Variants in MON1B observed in about 807,000 individuals in gnomAD.
MON1B encodes the protein MON1 vesicular trafficking associated B.
Under a neutral mutation model 45.1 loss-of-function variants are expected in MON1B, and 26 were observed. The ratio of observed to expected loss-of-function variants is 0.58; its 90% CI spans 0.42 to 0.80. The LOEUF (loss-of-function observed/expected upper bound fraction) is 0.80, where lower values mean the gene tolerates loss of function less well. Among genes scored for constraint, MON1B ranks in the 30% least tolerant of loss-of-function variants. The pLI is 0.00. For synonymous variants in MON1B, 395 were observed against 320.2 expected (o/e 1.23, Z -2.49); for missense variants, 737 against 754.5 (o/e 0.98, Z 0.27).
At chr16:77,195,834 A>G (rs1014305515) in intron 5 of MON1B, 152 bp downstream of exon 5, 12 of 907,818 alleles carry the variant, frequency 1.3e-5, no homozygotes, top group Non-Finnish European at 1.6e-5. Flanking sequence ...GCCTTTACAC[A>G]CACATCTTTG....
At position 77,201,113 on chromosome 16, in the gene MON1B, G is replaced by C. The variant is rs2054737960; in HGVS notation, c.*2805G>C. 1.3e-5 allele frequency: 2 copies of C among 152,256 alleles called. No homozygotes were observed. The highest frequency in any genetic ancestry group is 2.1e-4 in the South Asian group (1 of 4,826). 9.4% of individuals were successfully genotyped at this position (152,256 alleles called of 1,614,324 possible). On this transcript the variant is annotated 3_prime_UTR_variant, in exon 6 of 6. Coordinates refer to ENST00000248248, the MANE Select transcript of MON1B (RefSeq NM_014940.4). ...GAGACTGTTTACCTCTCGCTCCCCT[G>C]CACCTAAAACAATGCCTGCTTGGTG...
chr16:77,193,454 C>A lies in MON1B; in HGVS notation c.152C>A (p.Ser51Tyr). 1 of 1,548,038 alleles carries A rather than the reference C, an allele frequency of 6.5e-7. No individual in the cohort carries two copies. Among genetic ancestry groups the A allele is most frequent in the Non-Finnish European group, 8.7e-7 (1 of 1,146,448 alleles). ...CCCACCAGGGGCTCCCTTTCAGGAT[C>A]CAAGGACAAGGACCAGCCACCCAGC... ...PEDEGLEETG[S>Y]KDKDQPPSPS... The change falls in exon 3 of 6, where the codon TCC (serine) becomes TAC (tyrosine). Residue 51 changes from serine to tyrosine, a missense_variant. By Grantham distance (144) the Ser-to-Tyr change is moderately radical (BLOSUM62 -2). Coordinates refer to ENST00000248248, the MANE Select transcript of MON1B (RefSeq NM_014940.4). The surrounding 1 kb of genome is among the most constrained non-coding windows in gnomAD (Gnocchi z 5.0).
rs1374513297 is a variant in MON1B at position 77,194,058 on chromosome 16, T to A, written c.476-277T>A. 1.5e-5 allele frequency: 9 copies of A among 599,264 alleles called. No homozygotes were observed. Among genetic ancestry groups the A allele is most frequent in the Non-Finnish European group, 2.7e-5 (9 of 337,406 alleles). 37.1% of individuals were successfully genotyped at this position (599,264 alleles called of 1,614,324 possible). On this transcript the variant is annotated intron_variant, in intron 3 of 5. Coordinates refer to ENST00000248248, the MANE Select transcript of MON1B (RefSeq NM_014940.4). This position sits in a 1 kb window ranked among gnomAD's most constrained non-coding sequence, Gnocchi z 8.1. ...GGGGCTGTGTGGTTGAGCTGTGTCT[T>A]TCTGGCTCTGTGTCAGCCCTTGTAC...
rs1194132060 is a variant in MON1B, at chr16:77,198,100, A to AC, written c.1444-3dup. 6.2e-7 allele frequency: 1 copy of AC among 1,608,836 alleles called. No individual in the cohort carries two copies. ...CCCATCTGACTCTGTCTCCTCCGAA[A>AC]CCCCCAGGTGACCTCCAAATTCGAG... On this transcript the variant is annotated splice_region_variant and splice_polypyrimidine_tract_variant and intron_variant, in intron 5 of 5. Transcript: ENST00000248248.
Position 77,199,661 on chromosome 16 carries a change from TA to T in MON1B, c.*1355del. Reference sequence around the variant, plus strand: ...TTGTTATTGAAGAAAAACAATTTTTTAACCGTTCAGCACAGTGGAGATAAAT... The same window carrying T: ...TTGTTATTGAAGAAAAACAATTTTTTACCGTTCAGCACAGTGGAGATAAAT... On this transcript the variant is annotated 3_prime_UTR_variant, in exon 6 of 6. Transcript: ENST00000248248. 1.5e-6 allele frequency: 1 copy of T among 681,430 alleles called. No homozygotes were observed. Among genetic ancestry groups the T allele is most frequent in the Non-Finnish European group, 2.5e-6 (1 of 404,244 alleles). The allele number at this position is 681,430 out of a possible 1,614,324, so 42.2% of individuals were successfully genotyped here. A position where few individuals can be genotyped will look rare whatever the true frequency, so the allele number is the denominator to read the frequency against.
rs750090571 is a variant in MON1B, at chr16:77,191,608, C to T, written c.123C>T (p.Pro41=). The change falls in exon 2 of 6, where the codon CCC becomes CCT. Residue 41 remains proline, a synonymous_variant. Transcript: ENST00000248248. Reference sequence around the variant, plus strand: ...GGGTTCACGCGGTCCCGCCGGATCCCGAAGACGAGGGCCTGGAGGAAACAG... The same window carrying T: ...GGGTTCACGCGGTCCCGCCGGATCCTGAAGACGAGGGCCTGGAGGAAACAG... ...GGGVHAVPPD[P]EDEGLEETGS... 25 of 1,610,982 alleles carry T rather than the reference C, an allele frequency of 1.6e-5. No individual in the cohort carries two copies. The highest frequency in any genetic ancestry group is 2.1e-5 in the Non-Finnish European group (25 of 1,179,194).
Position 77,195,119 on chromosome 16 carries a change from C to A in MON1B, c.1260C>A (p.Ile420=), listed in dbSNP as rs374751854. 14 of 1,598,300 alleles carry A rather than the reference C, an allele frequency of 8.8e-6. No homozygotes were observed. Among genetic ancestry groups the A allele is most frequent in the African/African-American group, 5.3e-5 (4 of 74,892 alleles). ...LRHFLYKPLD[I]PDHHRQLPQF... is the part of the protein sequence containing the mutation. ...ACTTCCTGTATAAGCCGCTGGACAT[C>A]CCTGACCACCACCGCCAACTGCCCC... Residue 420 remains isoleucine, a synonymous_variant, in exon 4 of 6, where the codon ATC becomes ATA. Coordinates refer to ENST00000248248, the MANE Select transcript of MON1B (RefSeq NM_014940.4).
At chr16:77,191,403 G>T in intron 1 of MON1B, 73 bp from the exon 2 acceptor site, 2 of 1,581,810 alleles carry the variant, frequency 1.3e-6, no homozygotes, top group Non-Finnish European at 1.7e-6. Flanking sequence ...TGTGTCCAAG[G>T]GGGCCTGACT....
rs765353973 is a variant in MON1B, at chr16:77,198,548, C to T, written c.*240C>T. The T allele has an allele frequency of 3.6e-6, 2 of 557,840 alleles. No homozygotes were observed. Among genetic ancestry groups the T allele is most frequent in the East Asian group, 3.1e-5 (1 of 32,654 alleles). 34.6% of individuals were successfully genotyped at this position (557,840 alleles called of 1,614,324 possible). On this transcript the variant is annotated 3_prime_UTR_variant, in exon 6 of 6. Transcript: ENST00000248248. ...GGGGAAATCCTTAGGCCTCCCTCTC[C>T]CTTCCCTCTGTCTCATCTCCTCCAC...
chr16:77,196,037 T>C (rs1202694192), intron 5 of MON1B, among the ~76,000 whole-genome samples: 3 of 152,118 alleles, frequency 2.0e-5, no homozygotes, highest in African/African-American at 7.2e-5. Flanking sequence ...CACCAGCTCA[T>C]TGTGACTCCA....
At position 77,193,941 on chromosome 16, in the gene MON1B, C is replaced by G; in HGVS notation, c.475+164C>G. 1.5e-6 allele frequency: 1 copy of G among 682,460 alleles called. No homozygotes were observed. The highest frequency in any genetic ancestry group is 2.4e-6 in the Non-Finnish European group (1 of 411,448). 42.3% of individuals were successfully genotyped at this position (682,460 alleles called of 1,614,324 possible). On this transcript the variant is annotated intron_variant, in intron 3 of 5. Coordinates refer to ENST00000248248, the MANE Select transcript of MON1B (RefSeq NM_014940.4). The surrounding 1 kb of genome is among the most constrained non-coding windows in gnomAD (Gnocchi z 5.0). ...AGTGGCGGGAGGTGGGGGGGTTCAT[C>G]TCTGTCTGGCCTGCTGGTTTCTTAG...
In MON1B at chr16:77,193,152, A is replaced by G. The variant is rs546834919; in HGVS notation, c.149-299A>G. ...TGGGGTGCTTTGAAGACTTTGGAATAACAGTGATTGAAAGGGAAGTAATTG... is the reference window on the plus strand; with the variant it reads ...TGGGGTGCTTTGAAGACTTTGGAATGACAGTGATTGAAAGGGAAGTAATTG... On this transcript the variant is annotated intron_variant, in intron 2 of 5. Transcript: ENST00000248248. The surrounding 1 kb of genome is among the most constrained non-coding windows in gnomAD (Gnocchi z 5.0). 2.0e-5 allele frequency among the ~76,000 whole-genome samples: 3 copies of G among 152,270 alleles called. No individual in the cohort carries two copies. The South Asian group carries it at 6.2e-4, about 32-fold the overall frequency.
rs2054720013 is a variant in MON1B, at chr16:77,200,256, G to GTATATATATATATATGTATA, written c.*1965_*1966insATATATATATATATATATGT. The GTATATATATATATATGTATA allele has an allele frequency of 7.2e-5, 6 of 83,608 alleles. No homozygotes were observed. Among genetic ancestry groups the GTATATATATATATATGTATA allele is most frequent in the African/African-American group, 2.2e-4 (6 of 26,914 alleles). The allele number at this position is 83,608 out of a possible 1,614,324, so 5.2% of individuals were successfully genotyped here. ...TGTATATATATATATATGTATATGT[G>GTATATATATATATATGTATA]TATATATATATATATGTGTATATAT... On this transcript the variant is annotated 3_prime_UTR_variant, in exon 6 of 6. Coordinates refer to ENST00000248248, the MANE Select transcript of MON1B (RefSeq NM_014940.4).
chr16:77,199,168 AGACCTCCC>A lies in MON1B; in HGVS notation c.*861_*868del. 1 of 413,686 alleles carries A rather than the reference AGACCTCCC, an allele frequency of 2.4e-6. No homozygotes were observed. The highest frequency in any genetic ancestry group is 4.3e-6 in the Non-Finnish European group (1 of 231,906). 25.6% of individuals were successfully genotyped at this position (413,686 alleles called of 1,614,324 possible). On this transcript the variant is annotated 3_prime_UTR_variant, in exon 6 of 6. Coordinates refer to ENST00000248248, the MANE Select transcript of MON1B (RefSeq NM_014940.4). ...CAAGACAAGCAGCCTAAAGCAGGAG[AGACCTCCC>A]TAGGGTTTTGTGTGTGTGCACACTA...
In MON1B at chr16:77,193,111, C is replaced by G. The variant is rs544732458; in HGVS notation, c.149-340C>G. ...TGGGGGATCATTGAAGATGAATAAT[C>G]GTCATCCAGAGTCAATGGGGTGCTT... On this transcript the variant is annotated intron_variant, in intron 2 of 5. Transcript: ENST00000248248. This position sits in a 1 kb window ranked among gnomAD's most constrained non-coding sequence, Gnocchi z 5.0. Among the ~76,000 whole-genome samples, 18 of 152,082 alleles carry G rather than the reference C, an allele frequency of 1.2e-4. No individual in the cohort carries two copies. The highest frequency in any genetic ancestry group is 3.3e-4 in the Admixed American group (5 of 15,272).
rs1460514769 is a variant in MON1B at position 77,202,140 on chromosome 16, G to T, written c.*3832G>T. 6.6e-6 allele frequency: 1 copy of T among 152,236 alleles called. No individual in the cohort carries two copies. The highest frequency in any genetic ancestry group is 2.4e-5 in the African/African-American group (1 of 41,544). 9.4% of individuals were successfully genotyped at this position (152,236 alleles called of 1,614,324 possible). ...GGCAAAATGTTGAATGGCACCTGAG[G>T]ATCCTATATTCATATTGGATCAGTA... On this transcript the variant is annotated 3_prime_UTR_variant, in exon 6 of 6. Coordinates refer to ENST00000248248, the MANE Select transcript of MON1B (RefSeq NM_014940.4).
rs769823934 is a variant in MON1B, at chr16:77,194,357, A to G, written c.498A>G (p.Leu166=). 6.2e-7 allele frequency: 1 copy of G among 1,607,830 alleles called. No individual in the cohort carries two copies. The highest frequency in any genetic ancestry group is 1.3e-5 in the African/African-American group (1 of 74,984). Reference sequence around the variant, plus strand: ...TAGAGGACCACAAGCTGGTGTTCCTACAACAGGGCCCACTGTTGCTCGTGG... The same window carrying G: ...TAGAGGACCACAAGCTGGTGTTCCTGCAACAGGGCCCACTGTTGCTCGTGG... ...IYAEDHKLVF[L]QQGPLLLVAM... is the part of the protein sequence containing the mutation. The change falls in exon 4 of 6, where the codon CTA becomes CTG. Residue 166 remains leucine, a synonymous_variant. Coordinates refer to ENST00000248248, the MANE Select transcript of MON1B (RefSeq NM_014940.4). This position sits in a 1 kb window ranked among gnomAD's most constrained non-coding sequence, Gnocchi z 8.1.
rs933711406 is a variant in MON1B at position 77,194,102 on chromosome 16, C to G, written c.476-233C>G. 3.3e-6 allele frequency: 2 copies of G among 610,870 alleles called. No individual in the cohort carries two copies. Among genetic ancestry groups the G allele is most frequent in the African/African-American group, 3.7e-5 (2 of 54,130 alleles). 37.8% of individuals were successfully genotyped at this position (610,870 alleles called of 1,614,324 possible). A position where few individuals can be genotyped will look rare whatever the true frequency, so the allele number is the denominator to read the frequency against. On this transcript the variant is annotated intron_variant, in intron 3 of 5. Coordinates refer to ENST00000248248, the MANE Select transcript of MON1B (RefSeq NM_014940.4). The surrounding 1 kb of genome is among the most constrained non-coding windows in gnomAD (Gnocchi z 8.1). ...CTTGTACCATCTCTACCCGCCTGCC[C>G]GTGGTCTTTGCTGTGTATCTAACCT... is the stretch of plus-strand genomic sequence containing the variant.
chr16:77,191,460 T>G lies in MON1B; in HGVS notation c.-10-16T>G. ...TTCTTTCACCGCCCGTCACCCTCGA[T>G]TCCCCTCCCACTCAGGGATGTGCAG... is the stretch of plus-strand genomic sequence containing the variant. On this transcript the variant is annotated splice_polypyrimidine_tract_variant and intron_variant, in intron 1 of 5. Coordinates refer to ENST00000248248, the MANE Select transcript of MON1B (RefSeq NM_014940.4). The G allele has an allele frequency of 6.3e-7, 1 of 1,586,256 alleles. No individual in the cohort carries two copies. The highest frequency in any genetic ancestry group is 1.1e-5 in the South Asian group (1 of 87,984).
Sources: allele counts gnomAD v4.1 joint callset (sites outside exome capture counted in the v4.1 genomes callset), GRCh38; gene constraint gnomAD v4.1.1; non-coding constraint Gnocchi (gnomAD v3.1); transcripts MANE v1.5; gene names NCBI Gene and HGNC (gene_info 2026-07-23, HGNC 2026-07-21).